ADAP1: variants seen among roughly 807,000 people sequenced by gnomAD.
ADAP1 encodes the protein arf-GAP with dual PH domain-containing protein 1.
In ADAP1, 31 loss-of-function variants were observed where a neutral mutation model predicts 54.9. That is an observed-to-expected ratio of 0.56 (90% CI 0.42 to 0.76). The LOEUF is 0.76. Ranked by LOEUF, ADAP1 falls within the 30% of genes least tolerant of loss-of-function variation. The pLI, the probability that ADAP1 is intolerant of heterozygous loss-of-function variation, is 0.00. For missense variants in ADAP1, 535 were observed against 512.4 expected (o/e 1.04, Z -0.42); for synonymous variants, 313 against 202.6 (o/e 1.55, Z -4.63).
intron 2 of ADAP1, among the ~76,000 whole-genome samples, chr7:930,998 A>AAAGG (rs1167460912): frequency 4.1e-5 from 6 of 146,974 alleles, no homozygotes; most frequent in Non-Finnish European, 7.5e-5. Context: ...AAAAAAAGAG[A>AAAGG]AAGGAAGGAA....
At chr7:913,831 A>C (rs533268233) in intron 4 of ADAP1, among the ~76,000 whole-genome samples, 42 of 152,344 alleles carry the variant, frequency 2.8e-4, no homozygotes, top group African/African-American at 9.9e-4. Flanking sequence ...GCTACTCAGG[A>C]TGCTGAGGCA....
intron 1 of ADAP1, among the ~76,000 whole-genome samples, chr7:953,225 C>G (rs549256087): frequency 2.0e-5 from 3 of 152,218 alleles, no homozygotes; most frequent in Non-Finnish European, 4.4e-5. Context: ...CTGTGGCCGT[C>G]CTGTCTCAGG....
chr7:899,199 A>G lies in ADAP1; in HGVS notation c.930T>C (p.His310=). 1.9e-6 allele frequency: 3 copies of G among 1,612,648 alleles called. No homozygotes were observed. The highest frequency in any genetic ancestry group is 2.2e-5 in the South Asian group (2 of 91,092). Residue 310 remains histidine (H), a synonymous_variant, in exon 10 of 11, where the codon CAT becomes CAC. Transcript: ENST00000265846. ...GGCCCTGGGTGGACGGCGGGAACCC[A>G]TGCAGCACCGTGTAGCCACTCTCCT... is the stretch of plus-strand genomic sequence containing the variant. ...GSKESGYTVL[H]GFPPSTQGHH...
At chr7:947,539 C>A (rs912579579) in intron 1 of ADAP1, among the ~76,000 whole-genome samples, 6 of 152,142 alleles carry the variant, frequency 3.9e-5, no homozygotes, top group Admixed American at 3.9e-4. Context: ...CCCACGTCCC[C>A]ATCTCAGCGA....
intron 4 of ADAP1, 79 bp from the exon 5 acceptor site, chr7:905,251 A>AG (rs988772653): frequency 1.1e-6 from 1 of 932,556 alleles, no homozygotes; most frequent in Admixed American, 2.1e-5. Context: ...GACAGGACAG[A>AG]GGGGACATGG....
chr7:927,315 A>C, intron 2 of ADAP1: 1 of 1,129,662 alleles, frequency 8.9e-7, no homozygotes, highest in Non-Finnish European at 1.2e-6. Flanking sequence ...GGCAGGCGCA[A>C]AGGCCCTGAG....
chr7:950,771 C>T (rs1024051347), intron 1 of ADAP1, among the ~76,000 whole-genome samples: 2 of 140,088 alleles, frequency 1.4e-5, no homozygotes, highest in African/African-American at 2.6e-5. Flanking sequence ...GCAGGAGAAT[C>T]GTTTGAACCC....
intron 2 of ADAP1, among the ~76,000 whole-genome samples, chr7:931,572 G>C (rs1846580478): frequency 2.6e-5 from 4 of 152,118 alleles, no homozygotes; most frequent in Admixed American, 2.6e-4. Flanking sequence ...GGGCTGGGCG[G>C]GGGTAAGAGC....
intron 4 of ADAP1, among the ~76,000 whole-genome samples, chr7:914,491 C>T (rs111296360): frequency 1.1e-3 from 170 of 152,276 alleles, no homozygotes; most frequent in African/African-American, 4.1e-3. Flanking sequence ...GAGGCTCTGC[C>T]CACGGGGCCG....
intron 2 of ADAP1, among the ~76,000 whole-genome samples, chr7:929,498 T>C (rs1335447687): frequency 7.5e-6 from 1 of 134,142 alleles, no homozygotes; most frequent in Non-Finnish European, 1.6e-5. Flanking sequence ...TTGAGCAACA[T>C]AGTGACACCC....
rs187345422 is a variant in ADAP1, at chr7:920,890, G to C, written c.306-840C>G. On this transcript the variant is annotated intron_variant, in intron 3 of 10. Transcript: ENST00000265846. The surrounding 1 kb of genome is among the most constrained non-coding windows in gnomAD (Gnocchi z 4.5). ...GCCTTTTCCACTCCCAGGGAATTACGCGGCAAAGAACAAATAGGAACCCTG... is the reference window on the plus strand; with the variant it reads ...GCCTTTTCCACTCCCAGGGAATTACCCGGCAAAGAACAAATAGGAACCCTG... 4 of 1,549,406 alleles carry C rather than the reference G, an allele frequency of 2.6e-6. No homozygotes were observed. In the East Asian group the frequency reaches 9.8e-5, roughly 38 times the overall value.
chr7:919,290 G>T (rs980966697), intron 4 of ADAP1, among the ~76,000 whole-genome samples: 1 of 152,174 alleles, frequency 6.6e-6, no homozygotes, highest in Non-Finnish European at 1.5e-5. Flanking sequence ...TGGAGACAGG[G>T]GTCCCTGCAG....
intron 2 of ADAP1, among the ~76,000 whole-genome samples, chr7:933,785 C>G (rs373278959): frequency 6.7e-5 from 2 of 29,842 alleles, no homozygotes; most frequent in East Asian, 1.8e-3. Flanking sequence ...GTCAGTGGTG[C>G]TGGAGAGCCG....
Position 920,724 on chromosome 7 carries a change from G to A in ADAP1, c.306-674C>T. On this transcript the variant is annotated intron_variant, in intron 3 of 10. Coordinates refer to ENST00000265846, the MANE Select transcript of ADAP1 (RefSeq NM_006869.4). The surrounding 1 kb of genome is among the most constrained non-coding windows in gnomAD (Gnocchi z 4.5). ...ACGAGGGCCCCCCACGGCACCCACTGAGCCCAGACATCCCTGCCCAGAGCC... is the reference window on the plus strand; with the variant it reads ...ACGAGGGCCCCCCACGGCACCCACTAAGCCCAGACATCCCTGCCCAGAGCC... The A allele has an allele frequency of 1.4e-6, 2 of 1,442,276 alleles. No homozygotes were observed. Among genetic ancestry groups the A allele is most frequent in the South Asian group, 1.3e-5 (1 of 79,630 alleles). The allele number at this position is 1,442,276 out of a possible 1,614,324, so 89.3% of individuals were successfully genotyped here.
chr7:951,243 G>A (rs1388053779), intron 1 of ADAP1, among the ~76,000 whole-genome samples: 1 of 151,862 alleles, frequency 6.6e-6, no homozygotes, highest in Admixed American at 6.6e-5. Flanking sequence ...CGTGGTGGCG[G>A]GTGCCTGTAG....
intron 4 of ADAP1, among the ~76,000 whole-genome samples, chr7:915,936 C>T (rs1013217716): frequency 9.2e-5 from 14 of 152,026 alleles, no homozygotes; most frequent in Non-Finnish European, 1.9e-4. Flanking sequence ...CCACGAGATG[C>T]CGTCTGCCAC....
At chr7:925,293 G>A (rs1157832843) in intron 3 of ADAP1, among the ~76,000 whole-genome samples, 3 of 139,770 alleles carry the variant, frequency 2.1e-5, no homozygotes, top group African/African-American at 7.5e-5. Context: ...GGCTGAGGCA[G>A]GAGGATCGCT....
Position 954,627 on chromosome 7 carries a change from C to T in ADAP1, c.-150G>A, listed in dbSNP as rs1847344612. ...GCGCGCCGGTTCCGCATTCCCGCCG[C>T]CCTCTGGGCTCCGCCGCCGCCGCTC... On this transcript the variant is annotated 5_prime_UTR_variant, in exon 1 of 11. Coordinates refer to ENST00000265846, the MANE Select transcript of ADAP1 (RefSeq NM_006869.4). 7 of 982,436 alleles carry T rather than the reference C, an allele frequency of 7.1e-6. No individual in the cohort carries two copies. Among genetic ancestry groups the T allele is most frequent in the Non-Finnish European group, 6.0e-6 (5 of 828,934 alleles). The allele number at this position is 982,436 out of a possible 1,614,324, so 60.9% of individuals were successfully genotyped here.
chr7:905,258 A>ACG (rs1190329101), intron 4 of ADAP1, 86 bp from the exon 5 acceptor site: 1 of 738,966 alleles, frequency 1.4e-6, no homozygotes, highest in African/African-American at 2.4e-5. Context: ...CAGAGGGGAC[A>ACG]TGGGGAGAAG....
Sources: gnomAD v4.1 joint callset for allele counts (sites outside exome capture counted in the v4.1 genomes callset) on GRCh38, gnomAD v4.1.1 for gene constraint, Gnocchi (gnomAD v3.1) non-coding constraint, MANE v1.5 for transcripts, NCBI Gene and HGNC (gene_info 2026-07-23, HGNC 2026-07-21) for gene names.